AGBL4: variants seen among roughly 807,000 people sequenced by gnomAD.
The protein encoded by AGBL4 is AGBL carboxypeptidase 4, also known as cytosolic carboxypeptidase 6.
Under a neutral mutation model 66.4 loss-of-function variants are expected in AGBL4, and 58 were observed. That is an observed-to-expected ratio of 0.87 (90% confidence interval 0.71 to 1.09). The LOEUF is 1.09. Ranked by LOEUF, AGBL4 falls within the 50% of genes least tolerant of loss-of-function variation. The pLI, the probability that AGBL4 is intolerant of heterozygous loss-of-function variation, is 0.00. For missense variants in AGBL4, 579 were observed against 631.0 expected (o/e 0.92, Z 0.88); for synonymous variants, 234 against 222.9 (o/e 1.05, Z -0.44).
In AGBL4 at chr1:49,950,032, G is replaced by A. The variant is rs12728578; in HGVS notation, c.34+73731C>T. Among the ~76,000 whole-genome samples the A allele has an allele frequency of 7.4e-3, 301 of 40,798 alleles. 2 individuals are homozygous for A. Among genetic ancestry groups the A allele is most frequent in the Middle Eastern group, 0.04 (2 of 50 alleles). 26.8% of individuals were successfully genotyped at this position (40,798 alleles called of 152,430 possible). ...TATACACACACATATGTGTGTGTGT[G>A]TATATATATACACATATGTGTATAT... On this transcript the variant is annotated intron_variant, in intron 1 of 13. Transcript: ENST00000371839.
chr1:49,676,319 C>T (rs1296284542), intron 3 of AGBL4, among the ~76,000 whole-genome samples: 1 of 151,874 alleles, frequency 6.6e-6, no homozygotes, highest in Admixed American at 6.6e-5. Context: ...TATTCATCAC[C>T]TTTTATAAGA....
chr1:48,658,570 T>G (rs970879321), intron 7 of AGBL4, among the ~76,000 whole-genome samples: 3 of 152,132 alleles, frequency 2.0e-5, no homozygotes. Flanking sequence ...GTCCTCACCC[T>G]CCTGCCCCCA....
intron 3 of AGBL4, among the ~76,000 whole-genome samples, chr1:49,387,654 G>C (rs1272527548): frequency 6.6e-6 from 1 of 151,952 alleles, no homozygotes; most frequent in Non-Finnish European, 1.5e-5. Flanking sequence ...ATCTTTACCA[G>C]TCTCTTAGTT....
At chr1:49,577,544 C>T (rs1437628104) in intron 3 of AGBL4, among the ~76,000 whole-genome samples, 1 of 152,228 alleles carries the variant, frequency 6.6e-6, no homozygotes, top group Non-Finnish European at 1.5e-5. Flanking sequence ...TTTGTCCTCA[C>T]TGGAATAGAC....
intron 6 of AGBL4, among the ~76,000 whole-genome samples, chr1:48,677,559 A>G (rs539378241): frequency 2.0e-4 from 31 of 152,318 alleles, no homozygotes; most frequent in South Asian, 1.2e-3. Context: ...GCCTTGCAGA[A>G]CGGCTGGCAC....
At chr1:49,948,555 ATATAT>A (rs1295057057) in intron 1 of AGBL4, among the ~76,000 whole-genome samples, 2 of 115,558 alleles carry the variant, frequency 1.7e-5, no homozygotes, top group African/African-American at 6.5e-5. Flanking sequence ...ATATATATAA[ATATAT>A]AAAAATATAT....
At chr1:49,264,065 T>A (rs1044783001) in intron 3 of AGBL4, among the ~76,000 whole-genome samples, 9 of 152,240 alleles carry the variant, frequency 5.9e-5, no homozygotes, top group South Asian at 2.1e-4. Flanking sequence ...TACTTATATA[T>A]AATCCAAGTA....
chr1:49,020,829 A>C (rs1483075408), intron 5 of AGBL4, among the ~76,000 whole-genome samples: 2 of 152,164 alleles, frequency 1.3e-5, no homozygotes, highest in African/African-American at 4.8e-5. Context: ...AAAATACAGG[A>C]AGGCCCATAG....
At chr1:49,728,958 A>G (rs898601666) in intron 2 of AGBL4, among the ~76,000 whole-genome samples, 18 of 152,218 alleles carry the variant, frequency 1.2e-4, no homozygotes, top group African/African-American at 4.3e-4. Context: ...TGCTTCGCCT[A>G]TACACCTAGG....
intron 5 of AGBL4, among the ~76,000 whole-genome samples, chr1:48,871,823 A>G (rs1648708165): frequency 6.6e-6 from 1 of 152,066 alleles, no homozygotes; most frequent in South Asian, 2.1e-4. Context: ...TTATTCCCCC[A>G]TGCATCGAGT....
At chr1:48,741,607 C>T (rs1428524782) in intron 6 of AGBL4, among the ~76,000 whole-genome samples, 1 of 152,254 alleles carries the variant, frequency 6.6e-6, no homozygotes, top group African/African-American at 2.4e-5. Flanking sequence ...CGTTTCATTT[C>T]CTCAGCTTGA....
chr1:48,704,555 ATTG>A (rs1646852666), intron 6 of AGBL4, among the ~76,000 whole-genome samples: 2 of 152,260 alleles, frequency 1.3e-5, no homozygotes, highest in South Asian at 2.1e-4. Flanking sequence ...CATGTTTAAA[ATTG>A]TTAAGTTTTT....
At chr1:49,838,880 G>A (rs1313528572) in intron 2 of AGBL4, among the ~76,000 whole-genome samples, 1 of 152,110 alleles carries the variant, frequency 6.6e-6, no homozygotes, top group Non-Finnish European at 1.5e-5. Context: ...ATAAGATGAT[G>A]TGTCTCCTTT....
the AGBL4 span, among the ~76,000 whole-genome samples, chr1:48,526,970 A>G: frequency 6.6e-6 from 1 of 152,138 alleles, no homozygotes; most frequent in Non-Finnish European, 1.5e-5. Context: ...GCACTCTACC[A>G]TACTATGCTG....
intron 2 of AGBL4, among the ~76,000 whole-genome samples, chr1:49,702,453 T>C (rs1314454011): frequency 6.6e-6 from 1 of 152,076 alleles, no homozygotes; most frequent in African/African-American, 2.4e-5. Context: ...ATCGTGCCAC[T>C]GCACTCCAGC....
At chr1:49,481,781 T>C (rs987909712) in intron 3 of AGBL4, among the ~76,000 whole-genome samples, 2 of 151,924 alleles carry the variant, frequency 1.3e-5, no homozygotes, top group Admixed American at 1.3e-4. Flanking sequence ...TGGCTCTTAC[T>C]ATTTTGCGGT....
intron 5 of AGBL4, among the ~76,000 whole-genome samples, chr1:48,960,226 T>G (rs1385973813): frequency 6.6e-6 from 1 of 152,098 alleles, no homozygotes; most frequent in Non-Finnish European, 1.5e-5. Flanking sequence ...GGAAAGGCTA[T>G]TGGAAAAGAG....
At chr1:49,874,984 C>A (rs1646946051) in intron 1 of AGBL4, among the ~76,000 whole-genome samples, 1 of 101,050 alleles carries the variant, frequency 9.9e-6, no homozygotes, top group Non-Finnish European at 2.0e-5. Flanking sequence ...CCTCCCCCCA[C>A]CCCACAACAG....
intron 3 of AGBL4, among the ~76,000 whole-genome samples, chr1:49,428,977 A>G (rs1348754367): frequency 6.6e-6 from 1 of 152,242 alleles, no homozygotes; most frequent in African/African-American, 2.4e-5. Flanking sequence ...TACAGCACTG[A>G]GTAGTTCTTG....
Sources: gnomAD v4.1 joint callset for allele counts (sites outside exome capture counted in the v4.1 genomes callset) on GRCh38, gnomAD v4.1.1 for gene constraint, MANE v1.5 for transcripts, NCBI Gene and HGNC (gene_info 2026-07-23, HGNC 2026-07-21) for gene names.